SOX5: variants seen among roughly 807,000 people sequenced by gnomAD.
The protein encoded by SOX5 is transcription factor SOX-5.
SOX5 carries 9 observed loss-of-function variants against 92.0 expected under a neutral mutation model. The observed-to-expected ratio is 0.10, with a 90% CI of 0.06 to 0.17. SOX5 has a LOEUF of 0.17. SOX5 is among the 10% of genes least tolerant of loss of function. The probability of loss-of-function intolerance (pLI) is 1.00; values close to 1 mark genes in which losing one functional copy is unlikely to be tolerated. For missense variants in SOX5, 642 were observed against 944.5 expected, an observed-to-expected ratio of 0.68 and a Z score of 4.20; for synonymous variants, 344 against 336.3, an observed-to-expected ratio of 1.02 and a Z score of -0.25.
intron 4 of SOX5, among the ~76,000 whole-genome samples, chr12:24,068,747 T>C (rs76013189): frequency 0.24 from 16,852 of 69,556 alleles, 1,773 homozygotes; most frequent in Non-Finnish European, 0.26. Flanking sequence ...TATATATATA[T>C]ACACACACAC....
chr12:24,137,875 C>T (rs1026636450), intron 4 of SOX5, among the ~76,000 whole-genome samples: 10 of 152,164 alleles, frequency 6.6e-5, no homozygotes, highest in African/African-American at 2.4e-4. Flanking sequence ...GCTGTTTGTG[C>T]CTTTTAACTA....
At chr12:23,829,495 TAAGC>T (rs771700256) in intron 3 of SOX5, among the ~76,000 whole-genome samples, 1 of 152,140 alleles carries the variant, frequency 6.6e-6, no homozygotes, top group African/African-American at 2.4e-5. Context: ...CTGTGGCACA[TAAGC>T]AACAAGAGGG....
At chr12:24,203,345 G>T (rs1957718166) in intron 4 of SOX5, among the ~76,000 whole-genome samples, 1 of 152,080 alleles carries the variant, frequency 6.6e-6, no homozygotes, top group African/African-American at 2.4e-5. Context: ...TCTGGCCCTG[G>T]AATCATCCAT....
chr12:23,556,137 C>T (rs1435144462), intron 11 of SOX5, among the ~76,000 whole-genome samples: 2 of 152,144 alleles, frequency 1.3e-5, no homozygotes, highest in Non-Finnish European at 1.5e-5. Flanking sequence ...GAAGTGTTCC[C>T]TAGCTAAGAT....
At chr12:24,212,442 T>C (rs777121076) in intron 4 of SOX5, 1 of 534,010 alleles carries the variant, frequency 1.9e-6, no homozygotes, top group Non-Finnish European at 3.8e-6. Context: ...ACAGAAGACC[T>C]GGATGTGTAG....
At chr12:24,015,128 T>C (rs1592346419) in intron 4 of SOX5, among the ~76,000 whole-genome samples, 1 of 151,618 alleles carries the variant, frequency 6.6e-6, no homozygotes, top group South Asian at 2.1e-4. Flanking sequence ...CTCCCTTTTT[T>C]CCCCCTCTAA....
At chr12:24,248,290 C>T (rs1003904094) in intron 3 of SOX5, among the ~76,000 whole-genome samples, 2 of 152,164 alleles carry the variant, frequency 1.3e-5, no homozygotes, top group Non-Finnish European at 2.9e-5. Flanking sequence ...AAGACCACCA[C>T]ACTCAGAGAG....
chr12:24,297,013 CCAGA>C (rs1375469930), intron 2 of SOX5, among the ~76,000 whole-genome samples: 3 of 151,752 alleles, frequency 2.0e-5, no homozygotes, highest in Admixed American at 6.6e-5. Context: ...CCCTAAACTG[CCAGA>C]CAGTTAATTG....
intron 4 of SOX5, among the ~76,000 whole-genome samples, chr12:24,035,626 G>A (rs571250650): frequency 1.3e-5 from 2 of 152,010 alleles, no homozygotes; most frequent in African/African-American, 4.8e-5. Context: ...AAGCATATTA[G>A]GTTAAAAAAT....
intron 3 of SOX5, among the ~76,000 whole-genome samples, chr12:24,268,958 T>C (rs1318011257): frequency 6.6e-6 from 1 of 152,174 alleles, no homozygotes; most frequent in East Asian, 1.9e-4. Flanking sequence ...CTATTCAGAG[T>C]TCTCATTAAT....
chr12:24,355,629 T>A (rs913147560), intron 2 of SOX5, among the ~76,000 whole-genome samples: 18 of 152,228 alleles, frequency 1.2e-4, no homozygotes, highest in African/African-American at 3.9e-4. Context: ...TACATTGATA[T>A]TTTAAAAACA....
chr12:24,277,482 A>ATATATT lies in SOX5; in HGVS notation c.-173-171_-173-170insAATATA, dbSNP rs1423118546. Among the ~76,000 whole-genome samples the ATATATT allele has an allele frequency of 4.3e-4, 52 of 120,668 alleles. 1 individual carries two copies. The Admixed American group carries it at 5.0e-3, about 12-fold the overall frequency. The allele number at this position is 120,668 out of a possible 152,430, so 79.2% of individuals were successfully genotyped here. Reference sequence around the variant, plus strand: ...TAAATTTACATTTAAATATATAAATATATATGTAAATTTACATTTAAATAT... The same window carrying ATATATT: ...TAAATTTACATTTAAATATATAAATATATATTTATATGTAAATTTACATTTAAATAT... On this transcript the variant is annotated intron_variant, in intron 2 of 4. Transcript: ENST00000446891.
intron 7 of SOX5, among the ~76,000 whole-genome samples, chr12:23,642,810 G>GACTAGGATGGTGACAT (rs1555223747): frequency 6.8e-6 from 1 of 147,222 alleles, no homozygotes; most frequent in Non-Finnish European, 1.5e-5. Flanking sequence ...ATTATGGGCC[G>GACTAGGATGGTGACAT]GGCGCGGTGG....
Position 23,659,726 on chromosome 12 carries a change from A to C in SOX5, c.931+5718T>G, listed in dbSNP as rs565291055. ...GGTGGCTCACACCTGTAATCCCAGC[A>C]CTTTGGGAGGTGGGTGGATCACGTG... On this transcript the variant is annotated intron_variant, in intron 7 of 14. Coordinates refer to ENST00000451604, the MANE Select transcript of SOX5 (RefSeq NM_006940.6). Among the ~76,000 whole-genome samples, 2 of 152,296 alleles carry C rather than the reference A, an allele frequency of 1.3e-5. 1 individual carries two copies. The highest frequency in any genetic ancestry group is 4.1e-4 in the South Asian group (2 of 4,828).
chr12:24,395,576 C>T (rs1013712825), intron 1 of SOX5, among the ~76,000 whole-genome samples: 1 of 152,178 alleles, frequency 6.6e-6, no homozygotes, highest in African/African-American at 2.4e-5. Context: ...AACATGTCTA[C>T]ATTTTGTGAT....
intron 8 of SOX5, among the ~76,000 whole-genome samples, chr12:23,634,584 T>C (rs2138527676): frequency 1.3e-5 from 2 of 152,272 alleles, no homozygotes; most frequent in Middle Eastern, 6.8e-3. Context: ...GTAGGTGATG[T>C]GGAGCAAAAC....
chr12:24,144,440 T>C (rs1950875487), intron 4 of SOX5, among the ~76,000 whole-genome samples: 1 of 152,196 alleles, frequency 6.6e-6, no homozygotes, highest in South Asian at 2.1e-4. Context: ...AAAGATAATT[T>C]ACTGTTTAAG....
At chr12:24,374,010 G>A (rs953173393) in intron 1 of SOX5, among the ~76,000 whole-genome samples, 1 of 152,060 alleles carries the variant, frequency 6.6e-6, no homozygotes, top group South Asian at 2.1e-4. Context: ...AGATCTCCAA[G>A]ATATGTCCCT....
At chr12:23,709,611 G>C (rs2091833491) in intron 6 of SOX5, among the ~76,000 whole-genome samples, 1 of 152,074 alleles carries the variant, frequency 6.6e-6, no homozygotes, top group African/African-American at 2.4e-5. Flanking sequence ...GAAAGTACAG[G>C]GATTAAAGAA....
Sources: gnomAD v4.1 joint callset for allele counts (sites outside exome capture counted in the v4.1 genomes callset) on GRCh38, gnomAD v4.1.1 for gene constraint, MANE v1.5 for transcripts, NCBI Gene and HGNC (gene_info 2026-07-23, HGNC 2026-07-21) for gene names.